The following CDC42BPB variants were observed in gnomAD, a reference collection of about 807,000 sequenced individuals.
CDC42BPB encodes CDC42 binding protein kinase beta, also known as serine/threonine-protein kinase MRCK beta.
Under a neutral mutation model 214.9 loss-of-function variants are expected in CDC42BPB, and 37 were observed. That is an observed-to-expected ratio of 0.17 (90% CI 0.13 to 0.23). The LOEUF is 0.23. Among genes scored for constraint, CDC42BPB ranks in the 10% least tolerant of loss-of-function variants. CDC42BPB has a pLI of 1.00. For synonymous variants in CDC42BPB, 931 were observed against 884.0 expected, an observed-to-expected ratio of 1.05 and a Z score of -0.94; for missense variants, 1,694 against 2,227.0, an observed-to-expected ratio of 0.76 and a Z score of 4.82.
intron 16 of CDC42BPB, among the ~76,000 whole-genome samples, chr14:102,968,051 C>T (rs948939867): frequency 6.6e-6 from 1 of 151,582 alleles, no homozygotes; most frequent in Non-Finnish European, 1.5e-5. Flanking sequence ...GCCAAGATCG[C>T]GTCACTGCAC....
rs1895121674 is a variant in CDC42BPB, at chr14:103,004,082, C to G, written c.352-59G>C. ...ACTGGGAAGCAGGCCAGAGAGCGTA[C>G]TGCCGGTCTCGGGGTCCCTCCTGGG... On this transcript the variant is annotated intron_variant, in intron 3 of 36. Transcript: ENST00000361246. The surrounding 1 kb of genome is among the most constrained non-coding windows in gnomAD (Gnocchi z 5.3). 1 of 1,509,958 alleles carries G rather than the reference C, an allele frequency of 6.6e-7. No homozygotes were observed. Among genetic ancestry groups the G allele is most frequent in the Admixed American group, 2.0e-5 (1 of 50,412 alleles). The allele number at this position is 1,509,958 out of a possible 1,614,324, so 93.5% of individuals were successfully genotyped here. A position where few individuals can be genotyped will look rare whatever the true frequency, so the allele number is the denominator to read the frequency against.
At position 102,986,480 on chromosome 14, in the gene CDC42BPB, T is replaced by C; in HGVS notation, c.690+7A>G. ...CCAAATGGAAAATCTCCAACAAAAA[T>C]ACCTACAGTGCCATCATCATTCATC... On this transcript the variant is annotated splice_region_variant and intron_variant, in intron 6 of 36. Transcript: ENST00000361246. 6.2e-7 allele frequency: 1 copy of C among 1,606,672 alleles called. No homozygotes were observed. Among genetic ancestry groups the C allele is most frequent in the Non-Finnish European group, 8.5e-7 (1 of 1,174,854 alleles).
chr14:102,981,004 T>C lies in CDC42BPB; in HGVS notation c.909A>G (p.Pro303=), dbSNP rs1332259207. The C allele has an allele frequency of 1.2e-6, 2 of 1,614,076 alleles. No homozygotes were observed. The highest frequency in any genetic ancestry group is 1.7e-6 in the Non-Finnish European group (2 of 1,180,050). Residue 303 remains proline, a synonymous_variant, in exon 8 of 37, where the codon CCA becomes CCG. Transcript: ENST00000361246. ...IMNHEERFQF[P]SHVTDVSEEA... ...CTTCAGATACATCCGTGACATGGGA[T>C]GGGAACTGGAATCGCTCCTGCAAGG...
chr14:102,987,044 C>G (rs1894275803), intron 5 of CDC42BPB, among the ~76,000 whole-genome samples: 1 of 152,218 alleles, frequency 6.6e-6, no homozygotes, highest in Non-Finnish European at 1.5e-5. Context: ...GACAAAGGGA[C>G]AGAGGGACAC....
At chr14:102,987,824 C>CACAT (rs1555390730) in intron 5 of CDC42BPB, among the ~76,000 whole-genome samples, 8 of 150,308 alleles carry the variant, frequency 5.3e-5, no homozygotes, top group African/African-American at 9.9e-5. Context: ...CACACACACA[C>CACAT]GGCCAGGTGC....
At chr14:102,946,798 T>G in intron 27 of CDC42BPB, 114 bp from the exon 28 acceptor site, 5 of 1,476,292 alleles carry the variant, frequency 3.4e-6, no homozygotes, top group Non-Finnish European at 4.5e-6. Flanking sequence ...GCTGATGTGC[T>G]TCCCAGGCAG....
rs1491408594 is a variant in CDC42BPB at position 102,983,541 on chromosome 14, A to AC, written c.891+14_891+15insG. The AC allele has an allele frequency of 3.8e-6, 6 of 1,593,578 alleles. No individual in the cohort carries two copies. The African/African-American group carries it at 8.1e-5, about 21-fold the overall frequency. On this transcript the variant is annotated intron_variant, in intron 7 of 36. Coordinates refer to ENST00000361246, the MANE Select transcript of CDC42BPB (RefSeq NM_006035.4). ...AGCCAGGTACCAAAAAAAAAAAAAA[A>AC]ATGCAACGTCTTACTTCATGGTTCA... is the stretch of plus-strand genomic sequence containing the variant.
intron 13 of CDC42BPB, 42 bp downstream of exon 13, chr14:102,971,877 A>T: frequency 6.3e-7 from 1 of 1,581,000 alleles, no homozygotes; most frequent in Non-Finnish European, 8.6e-7. Context: ...AAGTCACACA[A>T]ATGTCCAGTC....
chr14:103,043,218 T>TGA (rs1311882319), intron 1 of CDC42BPB, among the ~76,000 whole-genome samples: 2 of 151,982 alleles, frequency 1.3e-5, no homozygotes, highest in Admixed American at 6.6e-5. Flanking sequence ...CACTCCAGCT[T>TGA]GAGAGAGAGA....
rs1461989017 is a variant in CDC42BPB, at chr14:103,057,431, G to A, written c.-258C>T. On this transcript the variant is annotated 5_prime_UTR_variant, in exon 1 of 37. Coordinates refer to ENST00000361246, the MANE Select transcript of CDC42BPB (RefSeq NM_006035.4). ...CGGCGCCGCCGCCCTCCCAGCTCGGGCGGCCCGCCCCCGCCGCCCTCAGCC... is the reference window on the plus strand; with the variant it reads ...CGGCGCCGCCGCCCTCCCAGCTCGGACGGCCCGCCCCCGCCGCCCTCAGCC... The A allele has an allele frequency of 3.3e-6, 2 of 612,160 alleles. No individual in the cohort carries two copies. Among genetic ancestry groups the A allele is most frequent in the Non-Finnish European group, 2.0e-6 (1 of 490,580 alleles). 37.9% of individuals were successfully genotyped at this position (612,160 alleles called of 1,614,324 possible). A position where few individuals can be genotyped will look rare whatever the true frequency, so the allele number is the denominator to read the frequency against.
At chr14:103,013,176 T>A (rs1043729713) in intron 1 of CDC42BPB, among the ~76,000 whole-genome samples, 12 of 152,160 alleles carry the variant, frequency 7.9e-5, no homozygotes, top group African/African-American at 2.4e-4. Context: ...AGGACACAAG[T>A]GCGTGAGGTG....
chr14:103,010,674 T>C (rs1406513319), intron 2 of CDC42BPB, among the ~76,000 whole-genome samples: 1 of 152,172 alleles, frequency 6.6e-6, no homozygotes. Flanking sequence ...AAAGGCACAG[T>C]TCCCCAGCCA....
intron 1 of CDC42BPB, 36 bp from the exon 2 acceptor site, chr14:103,012,224 A>C (rs185881008): frequency 1.9e-6 from 3 of 1,564,014 alleles, no homozygotes; most frequent in East Asian, 2.2e-5. Flanking sequence ...AATTTAGTCT[A>C]ATCAGTTCAT....
chr14:103,020,454 C>T (rs565901223), intron 1 of CDC42BPB, among the ~76,000 whole-genome samples: 1 of 152,342 alleles, frequency 6.6e-6, no homozygotes, highest in Admixed American at 6.5e-5. Flanking sequence ...AGCGCGGGGG[C>T]AGCTGCAGGG....
chr14:103,053,715 TC>T lies in CDC42BPB; in HGVS notation c.175+3283del, dbSNP rs547541895. ...AGGCAGAGCTTGCAGTGAGCCGAGATCCCGCCACTGCACTCCAGCCTGGGCG... is the reference window on the plus strand; with the variant it reads ...AGGCAGAGCTTGCAGTGAGCCGAGATCCGCCACTGCACTCCAGCCTGGGCG... On this transcript the variant is annotated intron_variant, in intron 1 of 36. Coordinates refer to ENST00000361246, the MANE Select transcript of CDC42BPB (RefSeq NM_006035.4). Among the ~76,000 whole-genome samples the T allele has an allele frequency of 3.6e-5, 5 of 138,542 alleles. No individual in the cohort carries two copies. In the South Asian group the frequency reaches 9.2e-4, roughly 25 times the overall value. The allele number at this position is 138,542 out of a possible 152,430, so 90.9% of individuals were successfully genotyped here.
chr14:103,046,877 C>T (rs1303847444), intron 1 of CDC42BPB, among the ~76,000 whole-genome samples: 1 of 151,950 alleles, frequency 6.6e-6, no homozygotes, highest in Non-Finnish European at 1.5e-5. Flanking sequence ...TGGTCTCCAA[C>T]TCCTGAGAGT....
intron 1 of CDC42BPB, among the ~76,000 whole-genome samples, chr14:103,042,786 G>A (rs1350204169): frequency 6.6e-6 from 1 of 152,166 alleles, no homozygotes; most frequent in Non-Finnish European, 1.5e-5. Flanking sequence ...AAAACAACAA[G>A]TGCTGGCAAG....
At chr14:102,979,154 C>T (rs539586524) in intron 8 of CDC42BPB, among the ~76,000 whole-genome samples, 1 of 151,996 alleles carries the variant, frequency 6.6e-6, no homozygotes, top group Non-Finnish European at 1.5e-5. Flanking sequence ...GAAGTTCAGC[C>T]TTTATTTTGA....
At chr14:103,030,707 T>C (rs1412320986) in intron 1 of CDC42BPB, among the ~76,000 whole-genome samples, 3 of 148,156 alleles carry the variant, frequency 2.0e-5, no homozygotes, top group Non-Finnish European at 3.0e-5. Flanking sequence ...AAAAAAAGTG[T>C]TCAGGGCTGG....
Sources: gnomAD v4.1 joint callset for allele counts (sites outside exome capture counted in the v4.1 genomes callset) on GRCh38, gnomAD v4.1.1 for gene constraint, Gnocchi (gnomAD v3.1) non-coding constraint, MANE v1.5 for transcripts, NCBI Gene and HGNC (gene_info 2026-07-23, HGNC 2026-07-21) for gene names.